ARMC7: variants seen among roughly 807,000 people sequenced by gnomAD.
ARMC7 encodes the protein armadillo repeat containing 7, also known as armadillo repeat-containing protein 7.
In ARMC7, 9 loss-of-function variants were observed where a neutral mutation model predicts 14.8. The ratio of observed to expected loss-of-function variants is 0.61; its 90% CI spans 0.37 to 1.06. ARMC7 has a LOEUF of 1.06. Among genes scored for constraint, ARMC7 ranks in the 50% least tolerant of loss-of-function variants. The probability of loss-of-function intolerance (pLI) is 0.01; values close to 1 mark genes in which losing one functional copy is unlikely to be tolerated. For synonymous variants in ARMC7, 125 were observed against 123.4 expected (o/e 1.01, Z -0.09); for missense variants, 262 against 267.1 (o/e 0.98, Z 0.13).
intron 2 of ARMC7, among the ~76,000 whole-genome samples, chr17:75,116,147 GC>G (rs1035794505): frequency 2.0e-5 from 3 of 152,228 alleles, no homozygotes; most frequent in Admixed American, 2.0e-4. Flanking sequence ...CTGGCTGCAG[GC>G]CCGGTGCTGT....
At chr17:75,111,313 G>A (rs1017113537) in intron 2 of ARMC7, among the ~76,000 whole-genome samples, 5 of 151,650 alleles carry the variant, frequency 3.3e-5, no homozygotes, top group Non-Finnish European at 7.4e-5. Flanking sequence ...GGGCATGGTG[G>A]TGGGCGCCTG....
At position 75,128,733 on chromosome 17, in the gene ARMC7, G is replaced by T; in HGVS notation, c.292G>T (p.Gly98Ter). Residue 98 changes from glycine to a stop codon, truncating the protein, a stop_gained, in exon 3 of 3, where the codon GGA (glycine) becomes TGA (stop). Transcript: ENST00000245543. LOFTEE classifies it high-confidence loss of function. ...CAACAAGGAGCACATCCTGCACGCA[G>T]GAGGTGTCCCACTCATCATCAACTG... ...RANKEHILHAGGVPLIINCLS... is the reference protein window; with the variant it reads ...RANKEHILHA 6.2e-7 allele frequency: 1 copy of T among 1,613,576 alleles called. No individual in the cohort carries two copies. Among genetic ancestry groups the T allele is most frequent in the Non-Finnish European group, 8.5e-7 (1 of 1,179,964 alleles).
intron 2 of ARMC7, among the ~76,000 whole-genome samples, chr17:75,123,723 C>G (rs2074030584): frequency 6.6e-6 from 1 of 152,016 alleles, no homozygotes; most frequent in African/African-American, 2.4e-5. Flanking sequence ...TTAGCCTGGC[C>G]AACATGGTGA....
intron 2 of ARMC7, among the ~76,000 whole-genome samples, chr17:75,118,443 A>G (rs537763727): frequency 5.7e-4 from 87 of 152,238 alleles, no homozygotes; most frequent in African/African-American, 1.8e-3. Context: ...ACTTGCCAAC[A>G]GGGGCCTGGC....
Position 75,110,496 on chromosome 17 carries a change from A to G in ARMC7, c.125A>G (p.Asn42Ser). 1 of 1,614,234 alleles carries G rather than the reference A, an allele frequency of 6.2e-7. No individual in the cohort carries two copies. Residue 42 changes from asparagine (N) to serine (S), a missense_variant, in exon 2 of 3, where the codon AAC becomes AGC. Transcript: ENST00000245543. The part of the protein sequence containing the change: ...AKEQVLANLA[N>S]FAYDPSNYEY... ...GAGCAAGTCCTCGCCAACCTCGCCA[A>G]CTTCGCTTATGACCCCAGCAACTAC... is the stretch of plus-strand genomic sequence containing the variant.
Position 75,129,436 on chromosome 17 carries a change from G to T in ARMC7, c.*398G>T, listed in dbSNP as rs2074083955. Reference sequence around the variant, plus strand: ...GGAAATCAGGGATTATCCCTTAACAGAAGTGTCTGGAGTAGTTTTCAGGTA... The same window carrying T: ...GGAAATCAGGGATTATCCCTTAACATAAGTGTCTGGAGTAGTTTTCAGGTA... On this transcript the variant is annotated 3_prime_UTR_variant, in exon 3 of 3. Coordinates refer to ENST00000245543, the MANE Select transcript of ARMC7 (RefSeq NM_024585.4). 2 of 216,966 alleles carry T rather than the reference G, an allele frequency of 9.2e-6. No individual in the cohort carries two copies. The highest frequency in any genetic ancestry group is 1.1e-4 in the Admixed American group (2 of 18,440). The allele number at this position is 216,966 out of a possible 1,614,324, so 13.4% of individuals were successfully genotyped here. A position where few individuals can be genotyped will look rare whatever the true frequency, so the allele number is the denominator to read the frequency against.
chr17:75,113,007 T>TTTTTATTTTATTTTATTTTATTTTA lies in ARMC7; in HGVS notation c.235+2411_235+2435dup, dbSNP rs71159435. Among the ~76,000 whole-genome samples the TTTTTATTTTATTTTATTTTATTTTA allele has an allele frequency of 3.1e-3, 469 of 149,160 alleles. 3 individuals are homozygous for TTTTTATTTTATTTTATTTTATTTTA. Among genetic ancestry groups the TTTTTATTTTATTTTATTTTATTTTA allele is most frequent in the Middle Eastern group, 0.014 (4 of 292 alleles). The stretch of plus-strand genomic sequence containing the variant: ...GTCTTGATAGGATCAAATAACACAT[T>TTTTTATTTTATTTTATTTTATTTTA]TTTTATTTTATTTTATTTTATTTTA... On this transcript the variant is annotated intron_variant, in intron 2 of 2. Transcript: ENST00000245543.
intron 2 of ARMC7, among the ~76,000 whole-genome samples, chr17:75,127,358 G>A (rs1452975290): frequency 6.6e-6 from 1 of 152,234 alleles, no homozygotes; most frequent in Non-Finnish European, 1.5e-5. Flanking sequence ...TGCCCAGGCT[G>A]GAATGCAGTG....
intron 1 of ARMC7, 25 bp from the exon 2 acceptor site, chr17:75,110,437 GC>G: frequency 6.2e-7 from 1 of 1,614,206 alleles, no homozygotes. Flanking sequence ...CCCGGACCTG[GC>G]TTCAGTGCCG....
chr17:75,113,319 T>C (rs2073944430), intron 2 of ARMC7, among the ~76,000 whole-genome samples: 1 of 141,630 alleles, frequency 7.1e-6, no homozygotes, highest in East Asian at 2.2e-4. Context: ...CCACCACACC[T>C]GGCCCAACTA....
In ARMC7 at chr17:75,129,052, C is replaced by T. The variant is rs377216901; in HGVS notation, c.*14C>T. 4.4e-5 allele frequency: 69 copies of T among 1,580,988 alleles called. No individual in the cohort carries two copies. The highest frequency in any genetic ancestry group is 2.9e-4 in the East Asian group (13 of 44,602). On this transcript the variant is annotated 3_prime_UTR_variant, in exon 3 of 3. Transcript: ENST00000245543. ...CGGCAGCGCTGATCCATGGAGACTG[C>T]GAGACCGTGGCACCCCTACTGCTGG... is the stretch of plus-strand genomic sequence containing the variant.
chr17:75,119,001 C>T (rs558588810), intron 2 of ARMC7, among the ~76,000 whole-genome samples: 1 of 152,196 alleles, frequency 6.6e-6, no homozygotes, highest in Non-Finnish European at 1.5e-5. Context: ...CAGGCTCAGA[C>T]TCTAGTCCCT....
chr17:75,129,362 G>A lies in ARMC7; in HGVS notation c.*324G>A. ...CTGGACCCAGAGGCTTTGCAGGACA[G>A]TGTTCTCAGGAGCTGGGCCTGAGGC... On this transcript the variant is annotated 3_prime_UTR_variant, in exon 3 of 3. Coordinates refer to ENST00000245543, the MANE Select transcript of ARMC7 (RefSeq NM_024585.4). 1 of 401,868 alleles carries A rather than the reference G, an allele frequency of 2.5e-6. No homozygotes were observed. Among genetic ancestry groups the A allele is most frequent in the Non-Finnish European group, 4.5e-6 (1 of 222,898 alleles). The allele number at this position is 401,868 out of a possible 1,614,324, so 24.9% of individuals were successfully genotyped here.
rs755123704 is a variant in ARMC7 at position 75,110,314 on chromosome 17, C to T, written c.26C>T (p.Pro9Leu). The change falls in exon 1 of 3, where the codon CCC becomes CTC. Residue 9 changes from proline to leucine, a missense_variant. By Grantham distance (98) the Pro-to-Leu change is moderately conservative (BLOSUM62 -3). Coordinates refer to ENST00000245543, the MANE Select transcript of ARMC7 (RefSeq NM_024585.4). MAQKPKVD[P>L]HVGRLGYLQA... Reference sequence around the variant, plus strand: ...ATGGCCCAGAAGCCGAAGGTGGACCCCCACGTCGGGCGGCTGGGATACCTG... The same window carrying T: ...ATGGCCCAGAAGCCGAAGGTGGACCTCCACGTCGGGCGGCTGGGATACCTG... 1.2e-6 allele frequency: 2 copies of T among 1,613,230 alleles called. No homozygotes were observed. The highest frequency in any genetic ancestry group is 1.7e-6 in the Non-Finnish European group (2 of 1,180,012).
At chr17:75,111,137 T>C (rs973508276) in intron 2 of ARMC7, among the ~76,000 whole-genome samples, 1 of 148,668 alleles carries the variant, frequency 6.7e-6, no homozygotes, top group Non-Finnish European at 1.5e-5. Flanking sequence ...AAAAATATGT[T>C]TTAAAAAGAG....
intron 2 of ARMC7, among the ~76,000 whole-genome samples, chr17:75,117,887 G>A (rs111895569): frequency 0.038 from 5,789 of 152,194 alleles, 368 homozygotes; most frequent in African/African-American, 0.13. Context: ...TTGGGAGGCT[G>A]AGGCGGGTGG....
chr17:75,114,121 TCTAAAACGTCCTCCGTCCCGTCC>T (rs1357745008), intron 2 of ARMC7: 1 of 401,164 alleles, frequency 2.5e-6, no homozygotes, highest in African/African-American at 2.1e-5. Flanking sequence ...AAAGTTGGTC[TCTAAAACGTCCTCCGTCCCGTCC>T]CTTTTCGTGC....
At chr17:75,110,975 AAAG>A (rs1454848133) in intron 2 of ARMC7, among the ~76,000 whole-genome samples, 1 of 150,016 alleles carries the variant, frequency 6.7e-6, no homozygotes, top group East Asian at 2.0e-4. Context: ...AAAAAAAAAA[AAAG>A]CCGCACACAG....
At position 75,129,557 on chromosome 17, in the gene ARMC7, C is replaced by T. The variant is rs2074085222; in HGVS notation, c.*519C>T. Reference sequence around the variant, plus strand: ...AGGATGGATGCCTCCCCCAGGGGCTCTCCAAGCTGGGCATTTGGGCCTGGT... The same window carrying T: ...AGGATGGATGCCTCCCCCAGGGGCTTTCCAAGCTGGGCATTTGGGCCTGGT... On this transcript the variant is annotated 3_prime_UTR_variant, in exon 3 of 3. Transcript: ENST00000245543. 1 of 153,700 alleles carries T rather than the reference C, an allele frequency of 6.5e-6. No individual in the cohort carries two copies. Among genetic ancestry groups the T allele is most frequent in the African/African-American group, 2.4e-5 (1 of 41,442 alleles). The allele number at this position is 153,700 out of a possible 1,614,324, so 9.5% of individuals were successfully genotyped here.
Sources: gnomAD v4.1 joint callset for allele counts (sites outside exome capture counted in the v4.1 genomes callset) on GRCh38, gnomAD v4.1.1 for gene constraint, MANE v1.5 for transcripts, NCBI Gene and HGNC (gene_info 2026-07-23, HGNC 2026-07-21) for gene names.